TET1: variants seen among roughly 807,000 people sequenced by gnomAD.
TET1 encodes the protein methylcytosine dioxygenase TET1.
Under a neutral mutation model 148.7 loss-of-function variants are expected in TET1, and 13 were observed. The observed-to-expected ratio is 0.09, with a 90% CI of 0.06 to 0.14. The LOEUF (loss-of-function observed/expected upper bound fraction) is 0.14. Ranked by LOEUF, TET1 falls within the 10% of genes least tolerant of loss-of-function variation. The probability of loss-of-function intolerance (pLI) is 1.00; values close to 1 mark genes in which losing one functional copy is unlikely to be tolerated. For missense variants in TET1, 2,182 were observed against 2,553.8 expected, an observed-to-expected ratio of 0.85 and a Z score of 3.14; for synonymous variants, 907 against 937.2, an observed-to-expected ratio of 0.97 and a Z score of 0.59.
intron 3 of TET1, among the ~76,000 whole-genome samples, chr10:68,605,770 C>T (rs1210917077): frequency 6.6e-6 from 1 of 152,226 alleles, no homozygotes; most frequent in Non-Finnish European, 1.5e-5. Flanking sequence ...CCACTGCAGC[C>T]TCCCAAAATG....
chr10:68,573,301 G>A lies in TET1; in HGVS notation c.963G>A (p.Thr321=), dbSNP rs764347080. ...ACTGCTTGGCTCTTGGTGGGTCTACGTCTCCTACCTCTGTAATAAAATTCC... is the reference window on the plus strand; with the variant it reads ...ACTGCTTGGCTCTTGGTGGGTCTACATCTCCTACCTCTGTAATAAAATTCC... ...LRNCLALGGS[T]SPTSVIKFLL... Residue 321 remains threonine, a synonymous_variant, in exon 2 of 12, where the codon ACG becomes ACA. Coordinates refer to ENST00000373644, the MANE Select transcript of TET1 (RefSeq NM_030625.3). 10 of 1,613,800 alleles carry A rather than the reference G, an allele frequency of 6.2e-6. No homozygotes were observed. The highest frequency in any genetic ancestry group is 2.7e-5 in the African/African-American group (2 of 74,860).
rs11437924 is a variant in TET1 at position 68,586,485 on chromosome 10, G to GTTTT, written c.1914+12246_1914+12249dup. Among the ~76,000 whole-genome samples the GTTTT allele has an allele frequency of 4.0e-3, 538 of 133,504 alleles. 4 individuals are homozygous for GTTTT. The highest frequency in any genetic ancestry group is 7.9e-3 in the Middle Eastern group (2 of 252). 87.6% of individuals were successfully genotyped at this position (133,504 alleles called of 152,430 possible). On this transcript the variant is annotated intron_variant, in intron 2 of 11. Transcript: ENST00000373644. ...GTGCCATTGCACCCAGCCAGCTAAC[G>GTTTT]TTTTTTTTTTTTTTTTAATTTTTAT...
intron 3 of TET1, among the ~76,000 whole-genome samples, chr10:68,641,983 C>A (rs544868050): frequency 1.2e-4 from 18 of 152,088 alleles, no homozygotes; most frequent in African/African-American, 1.9e-4. Context: ...TTCATTTATT[C>A]TTTTACTAAA....
intron 3 of TET1, among the ~76,000 whole-genome samples, chr10:68,621,620 T>C (rs1384190500): frequency 2.0e-5 from 3 of 152,172 alleles, no homozygotes; most frequent in Admixed American, 2.0e-4. Context: ...TCTGGCTGAT[T>C]AAATACCAGT....
chr10:68,581,738 G>T (rs1204279426), intron 2 of TET1, among the ~76,000 whole-genome samples: 1 of 151,954 alleles, frequency 6.6e-6, no homozygotes, highest in Admixed American at 6.6e-5. Context: ...CCAGCTTCTC[G>T]GGAGGCTGAG....
chr10:68,640,826 C>T (rs1456224336), intron 3 of TET1, among the ~76,000 whole-genome samples: 2 of 151,672 alleles, frequency 1.3e-5, no homozygotes, highest in Non-Finnish European at 2.9e-5. Context: ...GCTGGGATTA[C>T]AGGTGTGAGC....
intron 8 of TET1, 130 bp downstream of exon 8, chr10:68,673,175 T>A (rs2055297985): frequency 1.8e-6 from 1 of 566,490 alleles, no homozygotes; most frequent in Non-Finnish European, 2.7e-6. Flanking sequence ...ATAGTAAAAT[T>A]ATATTTCTAT....
intron 3 of TET1, among the ~76,000 whole-genome samples, chr10:68,615,356 C>CTTTTTTT (rs71019038): frequency 6.9e-6 from 1 of 145,278 alleles, no homozygotes; most frequent in Non-Finnish European, 1.5e-5. Flanking sequence ...CTTTTCTTTT[C>CTTTTTTT]TTTTTTTGAG....
rs1159201460 is a variant in TET1, at chr10:68,605,620, T to C, written c.1968+4586T>C. ...CCTCTGCCACCTGGGTTCAAATGAT[T>C]CTCCTGCCTCAGCCTACTAAGAACT... On this transcript the variant is annotated intron_variant, in intron 3 of 11. Coordinates refer to ENST00000373644, the MANE Select transcript of TET1 (RefSeq NM_030625.3). 9.2e-5 allele frequency among the ~76,000 whole-genome samples: 14 copies of C among 152,160 alleles called. 1 individual carries two copies. Among genetic ancestry groups the C allele is most frequent in the Admixed American group, 9.2e-4 (14 of 15,264 alleles).
Position 68,615,620 on chromosome 10 carries a change from A to G in TET1, c.1968+14586A>G, listed in dbSNP as rs184355475. On this transcript the variant is annotated intron_variant, in intron 3 of 11. Transcript: ENST00000373644. ...CTCGGCCTCCCAAAGTGCTAGGATTACAGGCATGAGCCACTGCGTCCAGGC... is the reference window on the plus strand; with the variant it reads ...CTCGGCCTCCCAAAGTGCTAGGATTGCAGGCATGAGCCACTGCGTCCAGGC... Among the ~76,000 whole-genome samples, 259 of 152,024 alleles carry G rather than the reference A, an allele frequency of 1.7e-3. 4 individuals carry two copies. The highest frequency in any genetic ancestry group is 2.9e-4 in the Non-Finnish European group (20 of 68,002).
chr10:68,606,507 G>A (rs1437673326), intron 3 of TET1, among the ~76,000 whole-genome samples: 1 of 151,982 alleles, frequency 6.6e-6, no homozygotes, highest in African/African-American at 2.4e-5. Flanking sequence ...TTAAACAGAC[G>A]GTTATAATGC....
chr10:68,600,995 C>G lies in TET1; in HGVS notation c.1929C>G (p.Asn643Lys), dbSNP rs1213907743. Residue 643 changes from asparagine to lysine, a missense_variant, in exon 3 of 12, where the codon AAC becomes AAG. Around this residue, in one of 11 missense-constraint regions of TET1, gnomAD observed 226 missense variants for 307.4 expected, o/e 0.74. Coordinates refer to ENST00000373644, the MANE Select transcript of TET1 (RefSeq NM_030625.3). The stretch of plus-strand genomic sequence containing the variant: ...ATTTTTTTTAGGTTATAAAGGAAAA[C>G]AAGAGGCCCCAGAGGGAAAAGAAGC... ...VVVPLEVIKE[N>K]KRPQREKKPK... 1 of 1,604,308 alleles carries G rather than the reference C, an allele frequency of 6.2e-7. No homozygotes were observed.
At chr10:68,583,527 T>A (rs990029941) in intron 2 of TET1, among the ~76,000 whole-genome samples, 1 of 152,106 alleles carries the variant, frequency 6.6e-6, no homozygotes, top group Non-Finnish European at 1.5e-5. Context: ...AAAGAGAAAT[T>A]TTGCTTTTTA....
chr10:68,574,579 A>T (rs1043470900), intron 2 of TET1, among the ~76,000 whole-genome samples: 2 of 152,188 alleles, frequency 1.3e-5, no homozygotes, highest in African/African-American at 4.8e-5. Flanking sequence ...GATTTCCCCT[A>T]TGCCTCTTTT....
chr10:68,587,403 G>A (rs530138174), intron 2 of TET1, among the ~76,000 whole-genome samples: 1 of 152,306 alleles, frequency 6.6e-6, no homozygotes, highest in East Asian at 1.9e-4. Context: ...TTCTATCCTT[G>A]GAGGAGTAAG....
At chr10:68,681,319 C>A (rs996963686) in intron 8 of TET1, 80 bp from the exon 9 acceptor site, 5 of 838,912 alleles carry the variant, frequency 6.0e-6, no homozygotes, top group Non-Finnish European at 9.6e-6. Context: ...CCACCATCAG[C>A]CATGATTTAT....
chr10:68,600,867 A>G, intron 2 of TET1, 114 bp from the exon 3 acceptor site: 2 of 798,936 alleles, frequency 2.5e-6, no homozygotes, highest in African/African-American at 1.8e-5. Flanking sequence ...AAACATGTTG[A>G]TGATTTTAAA....
At chr10:68,623,481 T>C (rs1168678392) in intron 3 of TET1, among the ~76,000 whole-genome samples, 1 of 152,192 alleles carries the variant, frequency 6.6e-6, no homozygotes, top group African/African-American at 2.4e-5. Context: ...GGTTGAGGAA[T>C]CACTTAATAG....
At chr10:68,683,403 C>G (rs888047255) in intron 10 of TET1, among the ~76,000 whole-genome samples, 1 of 152,156 alleles carries the variant, frequency 6.6e-6, no homozygotes, top group Non-Finnish European at 1.5e-5. Flanking sequence ...CTTAGCCTCC[C>G]AAGTAGCTGG....
Sources: gnomAD v4.1 joint callset for allele counts (sites outside exome capture counted in the v4.1 genomes callset) on GRCh38, gnomAD v4.1.1 for gene constraint, gnomAD v4.1.1 regional missense constraint, MANE v1.5 for transcripts, NCBI Gene and HGNC (gene_info 2026-07-23, HGNC 2026-07-21) for gene names.